IFFO1: variants seen among roughly 807,000 people sequenced by gnomAD.
IFFO1 encodes the protein intermediate filament family orphan 1.
In IFFO1, 42 loss-of-function variants were observed where a neutral mutation model predicts 59.6. That is an observed-to-expected ratio of 0.70 (90% CI 0.55 to 0.91). IFFO1 has a LOEUF of 0.91. Ranked by LOEUF, IFFO1 falls within the 40% of genes least tolerant of loss-of-function variation. The pLI is 0.00. For missense variants in IFFO1, 711 were observed against 793.2 expected (o/e 0.90, Z 1.24); for synonymous variants, 336 against 342.8 (o/e 0.98, Z 0.22).
intron 8 of IFFO1, among the ~76,000 whole-genome samples, chr12:6,542,288 T>C (rs1261952070): frequency 6.6e-6 from 1 of 152,190 alleles, no homozygotes; most frequent in Non-Finnish European, 1.5e-5. Flanking sequence ...ATTTCAGAAA[T>C]GTCACACGTG....
In IFFO1 at chr12:6,541,750, C is replaced by G. The variant is rs1592199302; in HGVS notation, c.1480-108G>C. The G allele has an allele frequency of 7.2e-7, 1 of 1,380,540 alleles. No individual in the cohort carries two copies. The allele number at this position is 1,380,540 out of a possible 1,614,324, so 85.5% of individuals were successfully genotyped here. ...CCAAGAGCAGTGGCTGGGCCGGGGG[C>G]CCAGGCAGCCATTACTGAAGGCTCA... On this transcript the variant is annotated intron_variant, in intron 8 of 9. Transcript: ENST00000619571. This position sits in a 1 kb window ranked among gnomAD's most constrained non-coding sequence, Gnocchi z 4.8.
intron 8 of IFFO1, among the ~76,000 whole-genome samples, chr12:6,543,030 C>T (rs532368770): frequency 6.6e-6 from 1 of 152,254 alleles, no homozygotes; most frequent in South Asian, 2.1e-4. Flanking sequence ...AGGAGATGTC[C>T]TTGACAAGCC....
chr12:6,541,543 A>G lies in IFFO1; in HGVS notation c.1579T>C (p.Cys527Arg). The G allele has an allele frequency of 6.2e-7, 1 of 1,614,120 alleles. No homozygotes were observed. Among genetic ancestry groups the G allele is most frequent in the Non-Finnish European group, 8.5e-7 (1 of 1,180,026 alleles). Residue 527 changes from cysteine (C) to arginine (R), a missense_variant, in exon 9 of 10, where the codon TGC becomes CGC. Around this residue, in one of 3 missense-constraint regions of IFFO1, gnomAD observed 579 missense variants for 650.3 expected, o/e 0.89. Transcript: ENST00000619571. This position sits in a 1 kb window ranked among gnomAD's most constrained non-coding sequence, Gnocchi z 4.8. The part of the protein sequence containing the change: ...KRGLDVQMET[C>R]RRLITQSGDR... Reference sequence around the variant, plus strand: ...CCAGACTGGGTGATGAGCCGGCGGCAGGTCTCCATCTGCACGTCCAGGCCG... The same window carrying G: ...CCAGACTGGGTGATGAGCCGGCGGCGGGTCTCCATCTGCACGTCCAGGCCG...
Position 6,541,485 on chromosome 12 carries a change from G to A in IFFO1, c.1610+27C>T, listed in dbSNP as rs576270531. ...TTCTCCCCGCTGTGTCCCCCTGGAA[G>A]GCCCCATGCCCAGGGGAGGCGCCTA... On this transcript the variant is annotated intron_variant, in intron 9 of 9. Transcript: ENST00000619571. The surrounding 1 kb of genome is among the most constrained non-coding windows in gnomAD (Gnocchi z 4.8). 19 of 1,611,512 alleles carry A rather than the reference G, an allele frequency of 1.2e-5. No individual in the cohort carries two copies. The East Asian group carries it at 4.0e-4, about 34-fold the overall frequency.
At chr12:6,551,476 G>A (rs1490652089) in intron 1 of IFFO1, 1 of 1,292,128 alleles carries the variant, frequency 7.7e-7, no homozygotes, top group Non-Finnish European at 1.0e-6. Flanking sequence ...CCTGCCTCTT[G>A]TGGTATCATT....
intron 1 of IFFO1, chr12:6,551,600 G>T: frequency 1.6e-6 from 1 of 643,248 alleles, no homozygotes; most frequent in Non-Finnish European, 2.5e-6. Context: ...CCCACCCAGA[G>T]CCTCCTCTAA....
Position 6,549,401 on chromosome 12 carries a change from C to A in IFFO1, c.1080+75G>T. On this transcript the variant is annotated intron_variant, in intron 5 of 9. Transcript: ENST00000619571. The surrounding 1 kb of genome is among the most constrained non-coding windows in gnomAD (Gnocchi z 5.0). ...TGCTCAAGAGCCCAGCGGGCCCAAA[C>A]TGAGGGCCAGGAGGCCTAGGCAGCT... The A allele has an allele frequency of 6.4e-7, 1 of 1,569,394 alleles. No individual in the cohort carries two copies. The highest frequency in any genetic ancestry group is 8.7e-7 in the Non-Finnish European group (1 of 1,142,894).
At position 6,541,553 on chromosome 12, in the gene IFFO1, C is replaced by G; in HGVS notation, c.1569G>C (p.Gln523His). Residue 523 changes from glutamine to histidine, a missense_variant, in exon 9 of 10, where the codon CAG (glutamine) becomes CAC (histidine). Physicochemically the swap from Gln to His is conservative, Grantham distance 24. Coordinates refer to ENST00000619571, the MANE Select transcript of IFFO1 (RefSeq NM_001193457.2). This position sits in a 1 kb window ranked among gnomAD's most constrained non-coding sequence, Gnocchi z 4.8. Reference sequence around the variant, plus strand: ...TGATGAGCCGGCGGCAGGTCTCCATCTGCACGTCCAGGCCGCGCTTCATGC... The same window carrying G: ...TGATGAGCCGGCGGCAGGTCTCCATGTGCACGTCCAGGCCGCGCTTCATGC... ...MCSMKRGLDVQMETCRRLITQ... is the reference protein window; with the variant it reads ...MCSMKRGLDVHMETCRRLITQ... 1 of 1,614,184 alleles carries G rather than the reference C, an allele frequency of 6.2e-7. No homozygotes were observed.
At chr12:6,547,203 A>C (rs1947004394) in intron 8 of IFFO1, among the ~76,000 whole-genome samples, 1 of 152,100 alleles carries the variant, frequency 6.6e-6, no homozygotes, top group East Asian at 1.9e-4. Context: ...TGAATCCAGA[A>C]GTTTGAGGGC....
At chr12:6,540,722 C>T (rs984931362) in intron 9 of IFFO1, 134 bp from the exon 10 acceptor site, 53 of 754,996 alleles carry the variant, frequency 7.0e-5, no homozygotes, top group African/African-American at 1.6e-4. Flanking sequence ...CGCGGGATGG[C>T]GAGGGAGCGG....
At chr12:6,542,543 C>T (rs569678924) in intron 8 of IFFO1, among the ~76,000 whole-genome samples, 1 of 152,338 alleles carries the variant, frequency 6.6e-6, no homozygotes, top group East Asian at 1.9e-4. Context: ...TACCAGCTGC[C>T]ATAATGTGGA....
In IFFO1 at chr12:6,541,744, C is replaced by G; in HGVS notation, c.1480-102G>C. 1.4e-6 allele frequency: 2 copies of G among 1,475,382 alleles called. No individual in the cohort carries two copies. Among genetic ancestry groups the G allele is most frequent in the Non-Finnish European group, 9.3e-7 (1 of 1,078,634 alleles). The allele number at this position is 1,475,382 out of a possible 1,614,324, so 91.4% of individuals were successfully genotyped here. ...AACACGCCAAGAGCAGTGGCTGGGC[C>G]GGGGGCCCAGGCAGCCATTACTGAA... On this transcript the variant is annotated intron_variant, in intron 8 of 9. Transcript: ENST00000619571. The surrounding 1 kb of genome is among the most constrained non-coding windows in gnomAD (Gnocchi z 4.8).
chr12:6,545,197 A>G (rs1166298602), intron 8 of IFFO1, among the ~76,000 whole-genome samples: 1 of 152,162 alleles, frequency 6.6e-6, no homozygotes, highest in East Asian at 1.9e-4. Flanking sequence ...CCTGGGCGAC[A>G]CAGCGAGACT....
At chr12:6,545,980 A>G (rs1434192243) in intron 8 of IFFO1, among the ~76,000 whole-genome samples, 1 of 152,258 alleles carries the variant, frequency 6.6e-6, no homozygotes, top group Non-Finnish European at 1.5e-5. Flanking sequence ...TTTCAACTTA[A>G]TAAGAAAAAG....
intron 9 of IFFO1, among the ~76,000 whole-genome samples, chr12:6,540,968 G>A (rs960766542): frequency 9.3e-5 from 14 of 150,608 alleles, no homozygotes; most frequent in African/African-American, 3.2e-4. Flanking sequence ...GGGCGCCTTG[G>A]AGGCTGAGGC....
chr12:6,551,715 A>C (rs1235784481), intron 1 of IFFO1: 1 of 360,986 alleles, frequency 2.8e-6, no homozygotes, highest in African/African-American at 2.1e-5. Context: ...TCAAACCCAG[A>C]GGGAAAGAGA....
At position 6,548,573 on chromosome 12, in the gene IFFO1, G is replaced by A; in HGVS notation, c.1263-28C>T. 1.2e-6 allele frequency: 2 copies of A among 1,613,454 alleles called. No individual in the cohort carries two copies. Among genetic ancestry groups the A allele is most frequent in the East Asian group, 2.2e-5 (1 of 44,868 alleles). On this transcript the variant is annotated intron_variant, in intron 6 of 9. Coordinates refer to ENST00000619571, the MANE Select transcript of IFFO1 (RefSeq NM_001193457.2). The surrounding 1 kb of genome is among the most constrained non-coding windows in gnomAD (Gnocchi z 6.1). The stretch of plus-strand genomic sequence containing the variant: ...AGAGACAGGGAACCCGGGTGTCAGG[G>A]CGGGCGGGGCCTCGTCCTGGCGGGG...
At position 6,549,635 on chromosome 12, in the gene IFFO1, GC is replaced by G. The variant is rs1947145400; in HGVS notation, c.1071+120del. The G allele has an allele frequency of 1.4e-6, 2 of 1,421,380 alleles. No individual in the cohort carries two copies. Among genetic ancestry groups the G allele is most frequent in the African/African-American group, 2.8e-5 (2 of 70,762 alleles). The allele number at this position is 1,421,380 out of a possible 1,614,324, so 88.0% of individuals were successfully genotyped here. On this transcript the variant is annotated intron_variant, in intron 4 of 9. Coordinates refer to ENST00000619571, the MANE Select transcript of IFFO1 (RefSeq NM_001193457.2). The surrounding 1 kb of genome is among the most constrained non-coding windows in gnomAD (Gnocchi z 5.0). ...TACCCCCCAGTCTAGCCCCGTGAGG[GC>G]CCCAGTTGCCAGGTAAGGCTCCCCA...
intron 8 of IFFO1, among the ~76,000 whole-genome samples, chr12:6,544,178 T>C (rs1448266952): frequency 1.4e-5 from 2 of 147,390 alleles, no homozygotes; most frequent in Non-Finnish European, 3.0e-5. Context: ...TTTTTTTTTT[T>C]TTTCCTGAGA....
Sources: gnomAD v4.1 joint callset for allele counts (sites outside exome capture counted in the v4.1 genomes callset) on GRCh38, gnomAD v4.1.1 for gene constraint, gnomAD v4.1.1 regional missense constraint, Gnocchi (gnomAD v3.1) non-coding constraint, MANE v1.5 for transcripts, NCBI Gene and HGNC (gene_info 2026-07-23, HGNC 2026-07-21) for gene names.